The following GPR39 variants were observed in gnomAD, a reference collection of about 807,000 sequenced individuals.
GPR39 encodes the protein zinc sensing receptor.
GPR39 carries 23 observed loss-of-function variants against 18.4 expected under a neutral mutation model. That is an observed-to-expected ratio of 1.25 (90% CI 0.90 to 1.77). GPR39 has a LOEUF of 1.77. Among genes scored for constraint, GPR39 ranks in the 40% most tolerant of loss-of-function variants. The pLI, the probability that GPR39 is intolerant of heterozygous loss-of-function variation, is 0.00. For synonymous variants in GPR39, 280 were observed against 257.9 expected (o/e 1.09, Z -0.82); for missense variants, 647 against 602.4 (o/e 1.07, Z -0.78).
intron 1 of GPR39, among the ~76,000 whole-genome samples, chr2:132,442,866 G>A (rs1488117625): frequency 3.3e-5 from 5 of 151,928 alleles, no homozygotes; most frequent in Non-Finnish European, 5.9e-5. Flanking sequence ...AATTTATATC[G>A]CTCTTCACTC....
At chr2:132,605,713 T>C (rs1681125448) in intron 1 of GPR39, among the ~76,000 whole-genome samples, 2 of 152,206 alleles carry the variant, frequency 1.3e-5, no homozygotes, top group Admixed American at 1.3e-4. Context: ...AATCCAGCAG[T>C]GCCTTGCTCC....
intron 1 of GPR39, among the ~76,000 whole-genome samples, chr2:132,484,907 G>A (rs1279454358): frequency 6.6e-6 from 1 of 152,156 alleles, no homozygotes; most frequent in East Asian, 1.9e-4. Flanking sequence ...CCTCTCTGGA[G>A]GAACTCACTT....
chr2:132,516,343 A>G (rs1485886155), intron 1 of GPR39, among the ~76,000 whole-genome samples: 1 of 152,148 alleles, frequency 6.6e-6, no homozygotes, highest in Non-Finnish European at 1.5e-5. Context: ...TGGGAGCAGC[A>G]AGATTCCTAG....
chr2:132,646,312 C>T lies in GPR39; in HGVS notation c.*706C>T, dbSNP rs755813417. 1.2e-5 allele frequency: 17 copies of T among 1,373,850 alleles called. No homozygotes were observed. Among genetic ancestry groups the T allele is most frequent in the Admixed American group, 2.9e-5 (1 of 34,904 alleles). The allele number at this position is 1,373,850 out of a possible 1,614,324, so 85.1% of individuals were successfully genotyped here. A position where few individuals can be genotyped will look rare whatever the true frequency, so the allele number is the denominator to read the frequency against. ...CACAGACCCAAAGGAGCTGAGTTAA[C>T]GTGCACCGGCAAAAGAATAGCTGTC... On this transcript the variant is annotated 3_prime_UTR_variant, in exon 2 of 2. Coordinates refer to ENST00000329321, the MANE Select transcript of GPR39 (RefSeq NM_001508.3).
chr2:132,459,475 T>G (rs146698410), intron 1 of GPR39, among the ~76,000 whole-genome samples: 1 of 152,328 alleles, frequency 6.6e-6, no homozygotes, highest in Admixed American at 6.5e-5. Context: ...GCCTGAATCC[T>G]CATTGTGCTC....
chr2:132,523,142 A>G (rs1385304101), intron 1 of GPR39, among the ~76,000 whole-genome samples: 1 of 152,270 alleles, frequency 6.6e-6, no homozygotes, highest in African/African-American at 2.4e-5. Context: ...TCCTGTGGCC[A>G]GGAATTTCAC....
At chr2:132,571,669 G>A (rs546279872) in intron 1 of GPR39, among the ~76,000 whole-genome samples, 10 of 152,208 alleles carry the variant, frequency 6.6e-5, no homozygotes, top group African/African-American at 1.7e-4. Context: ...AAGGGGTTGC[G>A]GAGGCCTACT....
In GPR39 at chr2:132,615,401, G is replaced by A. The variant is rs138387820; in HGVS notation, c.857-29700G>A. Among the ~76,000 whole-genome samples the A allele has an allele frequency of 1.5e-3, 233 of 152,186 alleles. 1 individual carries two copies. Among genetic ancestry groups the A allele is most frequent in the African/African-American group, 5.1e-3 (210 of 41,512 alleles). ...AACCTTCACCTTGCGTGCCTTCCTC[G>A]CAGGCATCATTGCACAGTGCCTTCC... is the stretch of plus-strand genomic sequence containing the variant. On this transcript the variant is annotated intron_variant, in intron 1 of 1. Coordinates refer to ENST00000329321, the MANE Select transcript of GPR39 (RefSeq NM_001508.3).
At chr2:132,432,045 A>G (rs1573599031) in intron 1 of GPR39, among the ~76,000 whole-genome samples, 1 of 152,134 alleles carries the variant, frequency 6.6e-6, no homozygotes, top group Non-Finnish European at 1.5e-5. Context: ...CCCAGTCTCC[A>G]AGGCCAACAT....
At position 132,601,505 on chromosome 2, in the gene GPR39, TC is replaced by T. The variant is rs1272309922; in HGVS notation, c.857-43595del. On this transcript the variant is annotated intron_variant, in intron 1 of 1. Transcript: ENST00000329321. Reference sequence around the variant, plus strand: ...ATATATGACAGTCCCACCGCATATATCATACTGAACTGGAACAAGACAAGGA... The same window carrying T: ...ATATATGACAGTCCCACCGCATATATATACTGAACTGGAACAAGACAAGGA... Among the ~76,000 whole-genome samples the T allele has an allele frequency of 3.3e-5, 5 of 152,212 alleles. No homozygotes were observed. In the East Asian group the frequency reaches 9.7e-4, roughly 29 times the overall value.
At chr2:132,626,144 A>C (rs977604778) in intron 1 of GPR39, among the ~76,000 whole-genome samples, 3 of 152,278 alleles carry the variant, frequency 2.0e-5, no homozygotes, top group South Asian at 2.1e-4. Context: ...AAAATGGTTA[A>C]ATGACATCCC....
intron 1 of GPR39, among the ~76,000 whole-genome samples, chr2:132,534,174 C>T (rs545055640): frequency 6.6e-5 from 10 of 152,148 alleles, no homozygotes; most frequent in South Asian, 2.1e-4. Flanking sequence ...AAAAAGTGGG[C>T]GAAGGATATG....
chr2:132,445,394 T>C (rs1225484672), intron 1 of GPR39, among the ~76,000 whole-genome samples: 2 of 152,220 alleles, frequency 1.3e-5, no homozygotes, highest in African/African-American at 4.8e-5. Context: ...TTATTAGTCT[T>C]ATCACTCTTT....
At position 132,445,197 on chromosome 2, in the gene GPR39, CAT is replaced by C. The variant is rs144790248; in HGVS notation, c.856+27302_856+27303del. ...CTACTGCATTGTTCCAATCAGCATC[CAT>C]ATGTTATTCTGATTTTTTGTTTTAA... On this transcript the variant is annotated intron_variant, in intron 1 of 1. Transcript: ENST00000329321. 9.4e-3 allele frequency among the ~76,000 whole-genome samples: 1,428 copies of C among 152,218 alleles called. 20 individuals carry two copies. Among genetic ancestry groups the C allele is most frequent in the African/African-American group, 0.032 (1,318 of 41,540 alleles).
At chr2:132,575,402 C>G (rs1680513122) in intron 1 of GPR39, among the ~76,000 whole-genome samples, 1 of 152,334 alleles carries the variant, frequency 6.6e-6, no homozygotes, top group African/African-American at 2.4e-5. Flanking sequence ...CACCTTCTAC[C>G]TAGTTTCTCT....
At chr2:132,495,128 C>T (rs1681615096) in intron 1 of GPR39, among the ~76,000 whole-genome samples, 1 of 152,070 alleles carries the variant, frequency 6.6e-6, no homozygotes, top group Admixed American at 6.5e-5. Flanking sequence ...ATGAATGGTT[C>T]AGGGGGTTGT....
At chr2:132,550,490 A>G (rs1680023676) in intron 1 of GPR39, among the ~76,000 whole-genome samples, 1 of 152,246 alleles carries the variant, frequency 6.6e-6, no homozygotes, top group Non-Finnish European at 1.5e-5. Context: ...TTGAAAAGAC[A>G]GGGCACATTT....
chr2:132,530,913 A>G (rs995086674), intron 1 of GPR39, among the ~76,000 whole-genome samples: 3 of 152,234 alleles, frequency 2.0e-5, no homozygotes, highest in African/African-American at 7.2e-5. Flanking sequence ...CAAATTGTAA[A>G]GACCATCAAG....
intron 1 of GPR39, among the ~76,000 whole-genome samples, chr2:132,522,833 C>T (rs1273390820): frequency 6.6e-6 from 1 of 152,242 alleles, no homozygotes; most frequent in African/African-American, 2.4e-5. Context: ...CTGTTGACTC[C>T]AGCAACCTTC....
Sources: gnomAD v4.1 joint callset for allele counts (sites outside exome capture counted in the v4.1 genomes callset) on GRCh38, gnomAD v4.1.1 for gene constraint, MANE v1.5 for transcripts, NCBI Gene and HGNC (gene_info 2026-07-23, HGNC 2026-07-21) for gene names.